Variants in AKAP9 observed in about 807,000 individuals in gnomAD.
AKAP9 encodes the protein A-kinase anchoring protein 9, also known as A-kinase anchor protein 9.
A neutral mutation model predicts 488.5 loss-of-function variants in AKAP9; 311 were observed. The observed-to-expected ratio is 0.64, with a 90% confidence interval of 0.58 to 0.70. The LOEUF is 0.70. Among genes scored for constraint, AKAP9 ranks in the 30% least tolerant of loss-of-function variants. The pLI, the probability that AKAP9 is intolerant of heterozygous loss-of-function variation, is 0.00. For missense variants in AKAP9, 4,215 were observed against 4,374.5 expected (o/e 0.96, Z 1.03); for synonymous variants, 1,462 against 1,483.5 (o/e 0.99, Z 0.33).
At chr7:92,007,433 G>A (rs1800059954) in intron 8 of AKAP9, among the ~76,000 whole-genome samples, 2 of 151,946 alleles carry the variant, frequency 1.3e-5, no homozygotes, top group African/African-American at 2.4e-5. Flanking sequence ...TGTATTTTTA[G>A]TAGAGATGGG....
intron 14 of AKAP9, among the ~76,000 whole-genome samples, chr7:92,029,297 C>A (rs958368996): frequency 6.6e-6 from 1 of 152,110 alleles, no homozygotes; most frequent in African/African-American, 2.4e-5. Flanking sequence ...AGATTCTTCT[C>A]TTTACCACCA....
At chr7:91,976,070 G>A (rs1456545318) in intron 2 of AKAP9, among the ~76,000 whole-genome samples, 1 of 151,308 alleles carries the variant, frequency 6.6e-6, no homozygotes, top group African/African-American at 2.4e-5. Context: ...TTGGGATTGT[G>A]AGCCATCACG....
rs180950120 is a variant in AKAP9, at chr7:92,035,808, G to A, written c.4339-2611G>A. 2.4e-3 allele frequency among the ~76,000 whole-genome samples: 368 copies of A among 152,288 alleles called. 2 individuals carry two copies. Among genetic ancestry groups the A allele is most frequent in the African/African-American group, 8.3e-3 (345 of 41,564 alleles). ...AGGTAATCAGTGGGAGAAGCAGGCTGTAGTGGGCTTATTTTATGTTGCCTG... is the reference window on the plus strand; with the variant it reads ...AGGTAATCAGTGGGAGAAGCAGGCTATAGTGGGCTTATTTTATGTTGCCTG... On this transcript the variant is annotated intron_variant, in intron 16 of 49. Transcript: ENST00000356239.
chr7:91,983,765 C>G (rs10225701), intron 3 of AKAP9, among the ~76,000 whole-genome samples: 68,350 of 152,034 alleles, frequency 0.45, 16,452 homozygotes, highest in African/African-American at 0.63. Context: ...CAGTGTAAAA[C>G]CGTTCTTATT....
chr7:92,101,020 A>G lies in AKAP9; in HGVS notation c.11061A>G (p.Gln3687=), dbSNP rs1283297655. The stretch of plus-strand genomic sequence containing the variant: ...AACTAAGAAATGACTCTTTACTTCA[A>G]ACTCTGAGCCCTGATTCTGAACATG... ...KAELRNDSLL[Q]TLSPDSEHVT... Residue 3687 remains glutamine (Q), a synonymous_variant, in exon 45 of 50, where the codon CAA becomes CAG. Transcript: ENST00000356239. 3 of 1,614,092 alleles carry G rather than the reference A, an allele frequency of 1.9e-6. No individual in the cohort carries two copies. Among genetic ancestry groups the G allele is most frequent in the Non-Finnish European group, 2.5e-6 (3 of 1,180,034 alleles).
chr7:92,031,687 T>C lies in AKAP9; in HGVS notation c.4338+83T>C, dbSNP rs375496310. On this transcript the variant is annotated intron_variant, in intron 16 of 49. Coordinates refer to ENST00000356239, the MANE Select transcript of AKAP9 (RefSeq NM_005751.5). Reference sequence around the variant, plus strand: ...AAAAGAACATAGATTTTATCGATGGTATGTACTTTATAAGTTTCATATATA... The same window carrying C: ...AAAAGAACATAGATTTTATCGATGGCATGTACTTTATAAGTTTCATATATA... The C allele has an allele frequency of 1.2e-5, 13 of 1,071,116 alleles. No homozygotes were observed. In the Admixed American group the frequency reaches 2.3e-4, roughly 19 times the overall value. 66.4% of individuals were successfully genotyped at this position (1,071,116 alleles called of 1,614,324 possible).
Position 92,045,149 on chromosome 7 carries a change from C to A in AKAP9, c.5304C>A (p.Ser1768Arg). The A allele has an allele frequency of 6.2e-7, 1 of 1,613,362 alleles. No individual in the cohort carries two copies. ...DRSSKSQSSA[S>R]LIWRSEAEAS... Reference sequence around the variant, plus strand: ...CTAGTAAAAGCCAGTCATCTGCCAGCCTAATTTGGAGGTCAGAAGCAGAGG... The same window carrying A: ...CTAGTAAAAGCCAGTCATCTGCCAGACTAATTTGGAGGTCAGAAGCAGAGG... Residue 1768 changes from serine (S) to arginine (R), a missense_variant, in exon 21 of 50, where the codon AGC becomes AGA. By Grantham distance (110) the Ser-to-Arg change is moderately radical (BLOSUM62 -1). This residue lies in a region of AKAP9 where 2,361 missense variants were observed against 2,430.0 expected (regional missense o/e 0.97). Transcript: ENST00000356239.
intron 1 of AKAP9, among the ~76,000 whole-genome samples, chr7:91,952,721 A>G (rs1792412576): frequency 1.3e-5 from 2 of 152,350 alleles, no homozygotes; most frequent in East Asian, 3.9e-4. Flanking sequence ...AAATGAGACT[A>G]TAGGCTAGGG....
At chr7:92,016,442 A>C (rs564403594) in intron 11 of AKAP9, among the ~76,000 whole-genome samples, 175 bp downstream of exon 11, 1 of 152,136 alleles carries the variant, frequency 6.6e-6, no homozygotes, top group African/African-American at 2.4e-5. Flanking sequence ...TTAAATTTTT[A>C]TAATGCGATA....
At chr7:92,044,246 G>A (rs1439335944) in intron 20 of AKAP9, among the ~76,000 whole-genome samples, 2 of 152,196 alleles carry the variant, frequency 1.3e-5, no homozygotes, top group African/African-American at 2.4e-5. Context: ...TTTAAAATAA[G>A]GATTACTTTT....
rs1400302163 is a variant in AKAP9 at position 92,045,028 on chromosome 7, A to G, written c.5183A>G (p.Asn1728Ser). 4.3e-6 allele frequency: 7 copies of G among 1,612,748 alleles called. No homozygotes were observed. The highest frequency in any genetic ancestry group is 5.9e-6 in the Non-Finnish European group (7 of 1,178,912). Reference protein sequence around the residue: ...SNERYALQKANNRLLKILLEV... With the variant: ...SNERYALQKASNRLLKILLEV... ...TACAGGTATGCACTCCAGAAAGCTA[A>G]TAATAGACTTTTGAAGATCCTCTTA... The change falls in exon 21 of 50, where the codon AAT becomes AGT. Residue 1728 changes from asparagine (N) to serine (S), a missense_variant. Physicochemically the swap from Asn to Ser is conservative, Grantham distance 46. Coordinates refer to ENST00000356239, the MANE Select transcript of AKAP9 (RefSeq NM_005751.5).
intron 6 of AKAP9, 144 bp downstream of exon 6, chr7:91,994,920 A>C: frequency 7.2e-6 from 5 of 692,152 alleles, no homozygotes. Flanking sequence ...GTGTTGCTAT[A>C]TTAACCAGGA....
chr7:92,035,086 G>C (rs1235431399), intron 16 of AKAP9, among the ~76,000 whole-genome samples: 1 of 152,264 alleles, frequency 6.6e-6, no homozygotes, highest in Middle Eastern at 3.4e-3. Flanking sequence ...CGAAAGCATA[G>C]CGTTACAGCT....
rs1265043947 is a variant in AKAP9 at position 92,101,015 on chromosome 7, C to T, written c.11056C>T (p.Leu3686Phe). The T allele has an allele frequency of 6.2e-7, 1 of 1,614,008 alleles. No individual in the cohort carries two copies. The highest frequency in any genetic ancestry group is 1.3e-5 in the African/African-American group (1 of 74,922). Residue 3686 changes from leucine (L) to phenylalanine (F), a missense_variant, in exon 45 of 50, where the codon CTT (leucine) becomes TTT (phenylalanine). Physicochemically the swap from Leu to Phe is conservative, Grantham distance 22. Transcript: ENST00000356239. The part of the protein sequence containing the change: ...LKAELRNDSL[L>F]QTLSPDSEHV... Reference sequence around the variant, plus strand: ...AGCTGAACTAAGAAATGACTCTTTACTTCAAACTCTGAGCCCTGATTCTGA... The same window carrying T: ...AGCTGAACTAAGAAATGACTCTTTATTTCAAACTCTGAGCCCTGATTCTGA...
At chr7:91,970,533 C>G (rs1306402037) in intron 1 of AKAP9, 4 of 454,008 alleles carry the variant, frequency 8.8e-6, no homozygotes, top group Admixed American at 2.4e-5. Flanking sequence ...ATTCTCTCAG[C>G]TTTTGTTTGT....
chr7:91,952,762 A>G (rs1438258562), intron 1 of AKAP9, among the ~76,000 whole-genome samples: 1 of 152,184 alleles, frequency 6.6e-6, no homozygotes, highest in African/African-American at 2.4e-5. Context: ...AATCTATGTT[A>G]AGGAGATTGG....
Position 92,062,196 on chromosome 7 carries a change from TTTG to T in AKAP9, c.5765-72_5765-70del, listed in dbSNP as rs1335871679. On this transcript the variant is annotated intron_variant, in intron 23 of 49. Transcript: ENST00000356239. ...GGAAAGTTTTGCTAACAGTATACCT[TTTG>T]TTGTTTATATTAAAACCTAGTGGTT... is the stretch of plus-strand genomic sequence containing the variant. 4 of 1,320,302 alleles carry T rather than the reference TTTG, an allele frequency of 3.0e-6. No homozygotes were observed. The Admixed American group carries it at 5.2e-5, about 17-fold the overall frequency. 81.8% of individuals were successfully genotyped at this position (1,320,302 alleles called of 1,614,324 possible). A position where few individuals can be genotyped will look rare whatever the true frequency, so the allele number is the denominator to read the frequency against.
At chr7:92,060,863 C>G (rs1484362812) in intron 22 of AKAP9, among the ~76,000 whole-genome samples, 2 of 152,058 alleles carry the variant, frequency 1.3e-5, no homozygotes, top group Non-Finnish European at 2.9e-5. Flanking sequence ...TCCGTAAATA[C>G]TAAATGTAGA....
At position 92,045,830 on chromosome 7, in the gene AKAP9, C is replaced by CTTTTTTT. The variant is rs35346628; in HGVS notation, c.5368+632_5368+638dup. ...GTGGATTCAGCTCTTCTTTCCGTTTCTTTTTTTTTTTTTTTTTTTTTGAGA... is the reference window on the plus strand; with the variant it reads ...GTGGATTCAGCTCTTCTTTCCGTTTCTTTTTTTTTTTTTTTTTTTTTTTTTTTTGAGA... On this transcript the variant is annotated intron_variant, in intron 21 of 49. Transcript: ENST00000356239. Among the ~76,000 whole-genome samples, 28 of 108,886 alleles carry CTTTTTTT rather than the reference C, an allele frequency of 2.6e-4. 1 individual carries two copies. Among genetic ancestry groups the CTTTTTTT allele is most frequent in the East Asian group, 5.0e-4 (2 of 3,988 alleles). The allele number at this position is 108,886 out of a possible 152,430, so 71.4% of individuals were successfully genotyped here. A position where few individuals can be genotyped will look rare whatever the true frequency, so the allele number is the denominator to read the frequency against.
Sources: gnomAD v4.1 joint callset for allele counts (sites outside exome capture counted in the v4.1 genomes callset) on GRCh38, gnomAD v4.1.1 for gene constraint, gnomAD v4.1.1 regional missense constraint, MANE v1.5 for transcripts, NCBI Gene and HGNC (gene_info 2026-07-23, HGNC 2026-07-21) for gene names.